The following ZBTB47 variants were observed in gnomAD, a reference collection of about 807,000 sequenced individuals.
ZBTB47 encodes zinc finger and BTB domain containing 47, also known as zinc finger and BTB domain-containing protein 47.
In ZBTB47, 24 loss-of-function variants were observed where a neutral mutation model predicts 56.6. That is an observed-to-expected ratio of 0.42 (90% CI 0.31 to 0.60). The LOEUF is 0.60. Ranked by LOEUF, ZBTB47 falls within the 20% of genes least tolerant of loss-of-function variation. The probability of loss-of-function intolerance (pLI) is 0.14; values close to 1 mark genes in which losing one functional copy is unlikely to be tolerated. For missense variants in ZBTB47, 829 were observed against 1,032.6 expected, an observed-to-expected ratio of 0.80 and a Z score of 2.70; for synonymous variants, 414 against 418.9, an observed-to-expected ratio of 0.99 and a Z score of 0.14.
chr3:42,657,875 G>T (rs82755), intron 1 of ZBTB47, among the ~76,000 whole-genome samples: 42,609 of 152,062 alleles, frequency 0.28, 6,665 homozygotes, highest in East Asian at 0.47. Flanking sequence ...GTGTGCCTGC[G>T]ATGGTCCTGG....
chr3:42,664,415 C>T lies in ZBTB47; in HGVS notation c.2061C>T (p.His687=). ...AHKEKCFRVS[H]TLAGDGVPAA... is the part of the protein sequence containing the mutation. ...AGGAGAAGTGCTTCCGCGTCAGCCA[C>T]ACCCTGGCCGGCGACGGCGTCCCCG... The change falls in exon 6 of 6, where the codon CAC becomes CAT. Residue 687 remains histidine, a synonymous_variant. Coordinates refer to ENST00000232974, the MANE Select transcript of ZBTB47 (RefSeq NM_145166.4). The T allele has an allele frequency of 6.4e-7, 1 of 1,568,544 alleles. No individual in the cohort carries two copies. The highest frequency in any genetic ancestry group is 8.6e-7 in the Non-Finnish European group (1 of 1,159,418).
intron 2 of ZBTB47, 121 bp downstream of exon 2, chr3:42,659,949 CT>C: frequency 7.3e-7 from 1 of 1,368,324 alleles, no homozygotes; most frequent in Non-Finnish European, 9.6e-7. Flanking sequence ...GGAGACCAGA[CT>C]TAGCCCCCAG....
Position 42,654,630 on chromosome 3 carries a change from G to A in ZBTB47, c.-82+747G>A. ...GCGCGGCGCTTCATGGAGCGGCCCTGGCCTGGCCGCCGGGGGCAGCGCGAT... is the reference window on the plus strand; with the variant it reads ...GCGCGGCGCTTCATGGAGCGGCCCTAGCCTGGCCGCCGGGGGCAGCGCGAT... On this transcript the variant is annotated intron_variant, in intron 1 of 5. Transcript: ENST00000232974. This position sits in a 1 kb window ranked among gnomAD's most constrained non-coding sequence, Gnocchi z 5.0. 1.0e-6 allele frequency: 1 copy of A among 982,162 alleles called. No individual in the cohort carries two copies. Among genetic ancestry groups the A allele is most frequent in the Non-Finnish European group, 1.2e-6 (1 of 827,586 alleles). The allele number at this position is 982,162 out of a possible 1,614,324, so 60.8% of individuals were successfully genotyped here.
Position 42,663,107 on chromosome 3 carries a change from G to C in ZBTB47, c.1717G>C (p.Glu573Gln). 6.2e-7 allele frequency: 1 copy of C among 1,613,804 alleles called. No homozygotes were observed. The highest frequency in any genetic ancestry group is 8.5e-7 in the Non-Finnish European group (1 of 1,179,688). Residue 573 changes from glutamate to glutamine, a missense_variant, in exon 4 of 6, where the codon GAG becomes CAG. Glu to Gln is a conservative substitution (Grantham distance 29). Coordinates refer to ENST00000232974, the MANE Select transcript of ZBTB47 (RefSeq NM_145166.4). This position sits in a 1 kb window ranked among gnomAD's most constrained non-coding sequence, Gnocchi z 5.1. ...LKVHSLQHSG[E>Q]KPFRCENCNE... ...GGTGCACTCACTGCAGCACTCAGGG[G>C]AGAAGCCGTTCAGATGTGAGGTGAG...
At position 42,654,651 on chromosome 3, in the gene ZBTB47, G is replaced by T; in HGVS notation, c.-82+768G>T. 1.0e-6 allele frequency: 1 copy of T among 984,488 alleles called. No homozygotes were observed. Among genetic ancestry groups the T allele is most frequent in the Non-Finnish European group, 1.2e-6 (1 of 829,522 alleles). The allele number at this position is 984,488 out of a possible 1,614,324, so 61.0% of individuals were successfully genotyped here. On this transcript the variant is annotated intron_variant, in intron 1 of 5. Transcript: ENST00000232974. This position sits in a 1 kb window ranked among gnomAD's most constrained non-coding sequence, Gnocchi z 5.0. ...CCCTGGCCTGGCCGCCGGGGGCAGC[G>T]CGATCCCGCGGGGCCCTGTGAGCCC...
chr3:42,658,077 C>T (rs140370044), intron 1 of ZBTB47, among the ~76,000 whole-genome samples, 198 bp from the exon 2 acceptor site: 134 of 152,332 alleles, frequency 8.8e-4, no homozygotes, highest in African/African-American at 3.0e-3. Context: ...CAGAGGGTCA[C>T]GAGTGGAGCC....
In ZBTB47 at chr3:42,664,312, C is replaced by T; in HGVS notation, c.1958C>T (p.Thr653Met). Residue 653 changes from threonine to methionine, a missense_variant, in exon 6 of 6, where the codon ACG (threonine) becomes ATG (methionine). By Grantham distance (81) the Thr-to-Met change is moderately conservative (BLOSUM62 -1). Around this residue, in one of 6 missense-constraint regions of ZBTB47, gnomAD observed 44 missense variants for 76.7 expected, o/e 0.57. Transcript: ENST00000232974. ...CCCAACATGAAGCGGCACCGGCGCA[C>T]GCACACGGGCGAGAAGCCGTACCCG... ...SRPNMKRHRR[T>M]HTGEKPYPCD... 1 of 1,612,648 alleles carries T rather than the reference C, an allele frequency of 6.2e-7. No homozygotes were observed. The highest frequency in any genetic ancestry group is 8.5e-7 in the Non-Finnish European group (1 of 1,179,734).
intron 3 of ZBTB47, 32 bp from the exon 4 acceptor site, chr3:42,662,980 A>G: frequency 1.9e-6 from 3 of 1,559,510 alleles, no homozygotes; most frequent in East Asian, 2.2e-5. Flanking sequence ...GCAGGCCCGT[A>G]AAACATGATG....
rs964397476 is a variant in ZBTB47, at chr3:42,664,626, G to A, written c.*28G>A. ...GCCGAGCTGCACCCGTGCACCCGCTGGGGCCTGGAGTCAGGGCCCACTCCA... is the reference window on the plus strand; with the variant it reads ...GCCGAGCTGCACCCGTGCACCCGCTAGGGCCTGGAGTCAGGGCCCACTCCA... On this transcript the variant is annotated 3_prime_UTR_variant, in exon 6 of 6. Transcript: ENST00000232974. 65 of 1,395,684 alleles carry A rather than the reference G, an allele frequency of 4.7e-5. No homozygotes were observed. Among genetic ancestry groups the A allele is most frequent in the Non-Finnish European group, 5.7e-5 (62 of 1,087,502 alleles). The allele number at this position is 1,395,684 out of a possible 1,614,324, so 86.5% of individuals were successfully genotyped here.
In ZBTB47 at chr3:42,659,097, T is replaced by G; in HGVS notation, c.742T>G (p.Ser248Ala). The change falls in exon 2 of 6, where the codon TCC (serine) becomes GCC (alanine). Residue 248 changes from serine (S) to alanine (A), a missense_variant. This residue lies in a region of ZBTB47 where 359 missense variants were observed against 359.8 expected (regional missense o/e 1.00). Transcript: ENST00000232974. ...VNLNNQTLHV[S>A]TGPEGKPGAG... ...CCTCAACAACCAGACACTGCACGTGTCCACGGGGCCAGAGGGGAAGCCAGG... is the reference window on the plus strand; with the variant it reads ...CCTCAACAACCAGACACTGCACGTGGCCACGGGGCCAGAGGGGAAGCCAGG... 1 of 1,499,968 alleles carries G rather than the reference T, an allele frequency of 6.7e-7. No homozygotes were observed. Among genetic ancestry groups the G allele is most frequent in the Non-Finnish European group, 8.9e-7 (1 of 1,127,916 alleles). 92.9% of individuals were successfully genotyped at this position (1,499,968 alleles called of 1,614,324 possible).
intron 2 of ZBTB47, among the ~76,000 whole-genome samples, chr3:42,660,360 G>A (rs940579619): frequency 6.6e-5 from 10 of 152,252 alleles, no homozygotes; most frequent in Non-Finnish European, 1.5e-4. Flanking sequence ...GGAGGAGGGG[G>A]CAGCCCAGCA....
rs1710782983 is a variant in ZBTB47 at position 42,665,885 on chromosome 3, G to A, written c.*1287G>A. 1 of 152,684 alleles carries A rather than the reference G, an allele frequency of 6.5e-6. No individual in the cohort carries two copies. Among genetic ancestry groups the A allele is most frequent in the Non-Finnish European group, 1.5e-5 (1 of 68,058 alleles). The allele number at this position is 152,684 out of a possible 1,614,324, so 9.5% of individuals were successfully genotyped here. The stretch of plus-strand genomic sequence containing the variant: ...TGTCTTTATTCCTGCCTTTAATATG[G>A]GGAGGAAGGTTCCATAAGCTACATG... On this transcript the variant is annotated 3_prime_UTR_variant, in exon 6 of 6. Transcript: ENST00000232974.
chr3:42,658,373 G>T lies in ZBTB47; in HGVS notation c.18G>T (p.Glu6Asp), dbSNP rs778351543. Residue 6 changes from glutamate (E) to aspartate (D), a missense_variant, in exon 2 of 6, where the codon GAG (glutamate) becomes GAT (aspartate). Glu to Asp is a conservative substitution (Grantham distance 45, BLOSUM62 2). Transcript: ENST00000232974. MGRLN[E>D]QRLFQPDLCD... ...CCTGCTTGATGGGCCGCCTGAACGA[G>T]CAGCGCCTCTTCCAGCCTGACCTCT... 2.6e-6 allele frequency: 4 copies of T among 1,535,512 alleles called. No homozygotes were observed. In the Admixed American group the frequency reaches 7.8e-5, roughly 30 times the overall value.
intron 3 of ZBTB47, 135 bp downstream of exon 3, chr3:42,661,767 A>G: frequency 7.8e-7 from 1 of 1,278,926 alleles, no homozygotes; most frequent in Non-Finnish European, 1.1e-6. Flanking sequence ...AGGCCTGGGG[A>G]GGTTGGTTCC....
chr3:42,661,798 C>T (rs1057247633), intron 3 of ZBTB47, among the ~76,000 whole-genome samples, 166 bp downstream of exon 3: 4 of 152,194 alleles, frequency 2.6e-5, no homozygotes, highest in African/African-American at 9.6e-5. Flanking sequence ...GTAGCCTGGA[C>T]AGGCTCTGGG....
rs916224649 is a variant in ZBTB47, at chr3:42,656,437, A to G, written c.-81-1838A>G. 2.6e-5 allele frequency among the ~76,000 whole-genome samples: 4 copies of G among 152,148 alleles called. No individual in the cohort carries two copies. Among genetic ancestry groups the G allele is most frequent in the African/African-American group, 7.2e-5 (3 of 41,426 alleles). The stretch of plus-strand genomic sequence containing the variant: ...CTGTGTAGTAGGGGTTGGTCCCAGA[A>G]GATGAATCAGAATGAGTCAGAGGAG... On this transcript the variant is annotated intron_variant, in intron 1 of 5. Coordinates refer to ENST00000232974, the MANE Select transcript of ZBTB47 (RefSeq NM_145166.4). This position sits in a 1 kb window ranked among gnomAD's most constrained non-coding sequence, Gnocchi z 5.8.
chr3:42,659,586 G>A lies in ZBTB47; in HGVS notation c.1231G>A (p.Ala411Thr), dbSNP rs779120864. ...GAGGCCAAAGCCACCCCCTGGAGTG[G>A]CCTCTGCATCGGCCCGAGGGCCGCC... ...GKRPKPPPGV[A>T]SASARGPPAT... The change falls in exon 2 of 6, where the codon GCC (alanine) becomes ACC (threonine). Residue 411 changes from alanine (A) to threonine (T), a missense_variant. Physicochemically the swap from Ala to Thr is moderately conservative, Grantham distance 58. This residue lies in a region of ZBTB47 where 187 missense variants were observed against 253.1 expected (regional missense o/e 0.74). Coordinates refer to ENST00000232974, the MANE Select transcript of ZBTB47 (RefSeq NM_145166.4). 1.2e-6 allele frequency: 2 copies of A among 1,602,596 alleles called. No individual in the cohort carries two copies. The highest frequency in any genetic ancestry group is 2.2e-5 in the South Asian group (2 of 89,724).
chr3:42,664,824 T>G lies in ZBTB47; in HGVS notation c.*226T>G. 2.5e-6 allele frequency: 1 copy of G among 407,368 alleles called. No homozygotes were observed. 25.2% of individuals were successfully genotyped at this position (407,368 alleles called of 1,614,324 possible). On this transcript the variant is annotated 3_prime_UTR_variant, in exon 6 of 6. Coordinates refer to ENST00000232974, the MANE Select transcript of ZBTB47 (RefSeq NM_145166.4). ...CACTCCCAAGTGCCCCCCCTTTCTG[T>G]GACTCCTTGAAGCCTTTACTTTTTT...
At position 42,657,177 on chromosome 3, in the gene ZBTB47, T is replaced by C. The variant is rs9985232; in HGVS notation, c.-81-1098T>C. 6.0e-3 allele frequency among the ~76,000 whole-genome samples: 912 copies of C among 152,294 alleles called. 8 individuals carry two copies. Among genetic ancestry groups the C allele is most frequent in the African/African-American group, 0.021 (871 of 41,556 alleles). On this transcript the variant is annotated intron_variant, in intron 1 of 5. Transcript: ENST00000232974. ...GCTGCTGTGGTAGAGCCGGGGTGACTGAGTTGGCTTCTATTCCAGGCAATT... is the reference window on the plus strand; with the variant it reads ...GCTGCTGTGGTAGAGCCGGGGTGACCGAGTTGGCTTCTATTCCAGGCAATT...
Sources: allele counts gnomAD v4.1 joint callset (sites outside exome capture counted in the v4.1 genomes callset), GRCh38; gene constraint gnomAD v4.1.1; regional missense constraint gnomAD v4.1.1; non-coding constraint Gnocchi (gnomAD v3.1); transcripts MANE v1.5; gene names NCBI Gene and HGNC (gene_info 2026-07-23, HGNC 2026-07-21).